The following ASB15 variants were observed in gnomAD, a reference collection of about 807,000 sequenced individuals.
ASB15 encodes ankyrin repeat and SOCS box containing 15, also known as ankyrin repeat and SOCS box protein 15.
Under a neutral mutation model 58.0 loss-of-function variants are expected in ASB15, and 54 were observed. That is an observed-to-expected ratio of 0.93 (90% confidence interval 0.75 to 1.17). ASB15 has a LOEUF of 1.17. ASB15 is among the 50% of genes most tolerant of loss of function. The pLI, the probability that ASB15 is intolerant of heterozygous loss-of-function variation, is 0.00. For synonymous variants in ASB15, 249 were observed against 262.4 expected (o/e 0.95, Z 0.50); for missense variants, 680 against 707.4 (o/e 0.96, Z 0.44).
chr7:123,612,861 A>G (rs1800547780), intron 3 of ASB15, among the ~76,000 whole-genome samples: 1 of 152,166 alleles, frequency 6.6e-6, no homozygotes, highest in African/African-American at 2.4e-5. Flanking sequence ...ATCACAGACT[A>G]ATTCCCTGCT....
intron 7 of ASB15, chr7:123,621,408 T>C (rs1801313081): frequency 6.6e-6 from 1 of 152,182 alleles, no homozygotes; most frequent in Non-Finnish European, 1.5e-5. Context: ...ATCAGCACCT[T>C]TGTTGTGGAA....
At chr7:123,571,304 C>T (rs1238704179) in intron 1 of ASB15, among the ~76,000 whole-genome samples, 3 of 152,124 alleles carry the variant, frequency 2.0e-5, no homozygotes, top group Non-Finnish European at 4.4e-5. Context: ...TTTCGTTGTA[C>T]TGTGGTTTTT....
chr7:123,599,237 A>C (rs1400851575), upstream of ASB15, among the ~76,000 whole-genome samples: 1 of 151,796 alleles, frequency 6.6e-6, no homozygotes, highest in Non-Finnish European at 1.5e-5. Flanking sequence ...GATAACTTAA[A>C]AACAACAACA....
chr7:123,580,134 G>C (rs547764677), intron 1 of ASB15, among the ~76,000 whole-genome samples: 2 of 152,078 alleles, frequency 1.3e-5, no homozygotes, highest in East Asian at 3.9e-4. Flanking sequence ...TTAGCAGAAG[G>C]ATTTCTACTG....
intron 1 of ASB15, among the ~76,000 whole-genome samples, chr7:123,602,521 A>G (rs1255184106): frequency 5.3e-5 from 8 of 152,266 alleles, no homozygotes; most frequent in African/African-American, 1.9e-4. Flanking sequence ...GGAGCTTTCT[A>G]TATCTAAAAT....
chr7:123,573,183 C>T (rs980752882), intron 1 of ASB15, among the ~76,000 whole-genome samples: 40 of 152,002 alleles, frequency 2.6e-4, no homozygotes, highest in Admixed American at 2.5e-3. Context: ...ATTTTTCTCC[C>T]CACAGGCAAG....
Position 123,622,461 on chromosome 7 carries a change from A to G in ASB15, c.452-2108A>G, listed in dbSNP as rs1328649389. 2.6e-5 allele frequency among the ~76,000 whole-genome samples: 4 copies of G among 152,274 alleles called. No individual in the cohort carries two copies. In the East Asian group the frequency reaches 5.8e-4, roughly 22 times the overall value. ...GAAGGGATTTCCTACCATTTGCATT[A>G]TTATTTCTATGGGAAATACATTCTT... On this transcript the variant is annotated intron_variant, in intron 7 of 11. Coordinates refer to ENST00000451215, the MANE Select transcript of ASB15 (RefSeq NM_001290258.2).
In ASB15 at chr7:123,633,649, G is replaced by A. The variant is rs188254310; in HGVS notation, c.1595-3160G>A. On this transcript the variant is annotated intron_variant, in intron 11 of 11. Coordinates refer to ENST00000451215, the MANE Select transcript of ASB15 (RefSeq NM_001290258.2). ...TGTGTGTGTGCACGCGCGCGCACGT[G>A]CGTCTGTTTACAGATAAGTCTTAGA... is the stretch of plus-strand genomic sequence containing the variant. Among the ~76,000 whole-genome samples the A allele has an allele frequency of 2.3e-4, 35 of 152,314 alleles. No homozygotes were observed. The East Asian group carries it at 5.6e-3, about 24-fold the overall frequency.
rs545401949 is a variant in ASB15, at chr7:123,578,180, C to T, written c.-443+11092C>T. Among the ~76,000 whole-genome samples, 7 of 149,230 alleles carry T rather than the reference C, an allele frequency of 4.7e-5. No individual in the cohort carries two copies. In the East Asian group the frequency reaches 9.8e-4, roughly 21 times the overall value. On this transcript the variant is annotated intron_variant, in intron 1 of 13. Transcript: ENST00000451558. ...TAAATTTCAAATTATAAAAGTTATT[C>T]GTAACCCATACTAGATCATCTATTA...
chr7:123,600,681 T>C (rs1009516761), upstream of ASB15, among the ~76,000 whole-genome samples: 1 of 152,230 alleles, frequency 6.6e-6, no homozygotes, highest in Admixed American at 6.5e-5. Flanking sequence ...AAACATAAAA[T>C]ACTTCTCAGT....
chr7:123,611,468 AT>A (rs144284582), intron 3 of ASB15, among the ~76,000 whole-genome samples: 2 of 149,882 alleles, frequency 1.3e-5, no homozygotes, highest in Non-Finnish European at 3.0e-5. Context: ...TTTTTTTTGT[AT>A]TTTTTTTTAG....
chr7:123,610,928 A>G (rs984979638), intron 3 of ASB15, among the ~76,000 whole-genome samples: 2 of 151,818 alleles, frequency 1.3e-5, no homozygotes, highest in African/African-American at 4.8e-5. Flanking sequence ...CTAAAAATAC[A>G]AAAATTAGCC....
At chr7:123,619,708 A>G (rs1801110179) in intron 7 of ASB15, among the ~76,000 whole-genome samples, 1 of 152,010 alleles carries the variant, frequency 6.6e-6, no homozygotes, top group Non-Finnish European at 1.5e-5. Flanking sequence ...TATTTTTAGT[A>G]GAGATGGGGT....
chr7:123,575,306 C>CA (rs1799034759), intron 1 of ASB15, among the ~76,000 whole-genome samples: 1 of 151,998 alleles, frequency 6.6e-6, no homozygotes. Flanking sequence ...TATCCTCTTC[C>CA]ATTGATTCTA....
At chr7:123,602,245 G>A (rs947775553) in intron 1 of ASB15, among the ~76,000 whole-genome samples, 3 of 151,838 alleles carry the variant, frequency 2.0e-5, no homozygotes, top group African/African-American at 7.3e-5. Flanking sequence ...TCACCTCTTG[G>A]TTTCTAATAA....
chr7:123,579,050 C>T (rs560218512), intron 1 of ASB15, among the ~76,000 whole-genome samples: 1 of 152,100 alleles, frequency 6.6e-6, no homozygotes, highest in South Asian at 2.1e-4. Context: ...CAACCTTTGC[C>T]CCTCTCGCTC....
At chr7:123,607,325 CTG>C (rs1314712561) in intron 2 of ASB15, among the ~76,000 whole-genome samples, 15 of 152,212 alleles carry the variant, frequency 9.9e-5, no homozygotes, top group East Asian at 7.7e-4. Flanking sequence ...ATTTTAATAA[CTG>C]TGTAGTATTC....
intron 8 of ASB15, 44 bp from the exon 9 acceptor site, chr7:123,627,066 A>ACAATACCATC (rs747546057): frequency 6.4e-7 from 1 of 1,570,102 alleles, no homozygotes; most frequent in East Asian, 2.3e-5. Context: ...GATTGTTTAA[A>ACAATACCATC]CAATACCATC....
intron 11 of ASB15, among the ~76,000 whole-genome samples, chr7:123,630,392 CA>C (rs1200715568): frequency 6.6e-6 from 1 of 152,128 alleles, no homozygotes; most frequent in African/African-American, 2.4e-5. Context: ...TCTATAATAT[CA>C]TACAATACGT....
Sources: allele counts gnomAD v4.1 joint callset (sites outside exome capture counted in the v4.1 genomes callset), GRCh38; gene constraint gnomAD v4.1.1; transcripts MANE v1.5; gene names NCBI Gene and HGNC (gene_info 2026-07-23, HGNC 2026-07-21).